ATRNL1: variants seen among roughly 807,000 people sequenced by gnomAD.
ATRNL1 encodes the protein attractin-like protein 1.
In ATRNL1, 95 loss-of-function variants were observed where a neutral mutation model predicts 182.7. That is an observed-to-expected ratio of 0.52 (90% confidence interval 0.44 to 0.62). The LOEUF (loss-of-function observed/expected upper bound fraction) is 0.62, where lower values mean the gene tolerates loss of function less well. Among genes scored for constraint, ATRNL1 ranks in the 20% least tolerant of loss-of-function variants. ATRNL1 has a pLI of 0.00. For missense variants in ATRNL1, 1,471 were observed against 1,679.5 expected (o/e 0.88, Z 2.17); for synonymous variants, 576 against 568.3 (o/e 1.01, Z -0.19).
chr10:115,470,276 A>AT (rs1464275132), intron 24 of ATRNL1, among the ~76,000 whole-genome samples: 1 of 150,442 alleles, frequency 6.6e-6, no homozygotes, highest in Non-Finnish European at 1.5e-5. Context: ...AATTATGGAA[A>AT]TTATTCAACT....
intron 27 of ATRNL1, among the ~76,000 whole-genome samples, chr10:115,730,787 A>C (rs1947774343): frequency 6.6e-6 from 1 of 152,062 alleles, no homozygotes; most frequent in African/African-American, 2.4e-5. Flanking sequence ...GGAGATATAT[A>C]GTTGTGTATA....
chr10:115,413,256 T>C (rs1845229675), intron 20 of ATRNL1, among the ~76,000 whole-genome samples: 1 of 152,168 alleles, frequency 6.6e-6, no homozygotes, highest in Admixed American at 6.6e-5. Context: ...TGCTAGCCTG[T>C]GAGGATCTTG....
intron 24 of ATRNL1, among the ~76,000 whole-genome samples, chr10:115,511,207 T>C (rs1345625944): frequency 6.6e-6 from 1 of 152,024 alleles, no homozygotes; most frequent in African/African-American, 2.4e-5. Context: ...ATTATTATTG[T>C]ATTAATTATC....
intron 9 of ATRNL1, among the ~76,000 whole-genome samples, chr10:115,240,044 AG>A (rs1850351416): frequency 6.6e-6 from 1 of 151,972 alleles, no homozygotes; most frequent in African/African-American, 2.4e-5. Flanking sequence ...GGCAGGCGTG[AG>A]GGGGTTGGGG....
chr10:115,910,632 T>C (rs1952646392), intron 28 of ATRNL1, among the ~76,000 whole-genome samples: 1 of 152,228 alleles, frequency 6.6e-6, no homozygotes, highest in Admixed American at 6.5e-5. Flanking sequence ...AGGATATATA[T>C]GTGTGTAGAA....
chr10:115,939,019 C>CA (rs1285186014), intron 28 of ATRNL1, among the ~76,000 whole-genome samples: 4 of 151,944 alleles, frequency 2.6e-5, no homozygotes, highest in African/African-American at 7.3e-5. Context: ...ATTCTCACCA[C>CA]AAAAAAAGAT....
chr10:115,611,665 T>G (rs1857165747), intron 26 of ATRNL1, among the ~76,000 whole-genome samples: 1 of 152,100 alleles, frequency 6.6e-6, no homozygotes, highest in Non-Finnish European at 1.5e-5. Flanking sequence ...TTAAATGCTA[T>G]CAGTTGTCAT....
chr10:115,153,881 A>G (rs558187030), intron 5 of ATRNL1, among the ~76,000 whole-genome samples: 7 of 152,056 alleles, frequency 4.6e-5, no homozygotes, highest in Admixed American at 3.9e-4. Flanking sequence ...CCTCTACACA[A>G]TGCTTTGAAT....
intron 26 of ATRNL1, among the ~76,000 whole-genome samples, chr10:115,591,847 T>G (rs1555012362): frequency 6.6e-6 from 1 of 152,210 alleles, no homozygotes; most frequent in Non-Finnish European, 1.5e-5. Flanking sequence ...AAATAAATTG[T>G]TCTACCAAAA....
intron 26 of ATRNL1, among the ~76,000 whole-genome samples, chr10:115,605,306 G>C (rs1467820418): frequency 6.6e-6 from 1 of 151,952 alleles, no homozygotes; most frequent in African/African-American, 2.4e-5. Context: ...CTCTCCATCT[G>C]ATGGTAGTAA....
intron 9 of ATRNL1, among the ~76,000 whole-genome samples, chr10:115,230,387 A>G (rs1461969741): frequency 6.6e-6 from 1 of 152,142 alleles, no homozygotes; most frequent in Non-Finnish European, 1.5e-5. Flanking sequence ...AGCCATGCAA[A>G]TATCTGGGGG....
At chr10:115,601,938 C>T (rs1351154339) in intron 26 of ATRNL1, among the ~76,000 whole-genome samples, 2 of 151,140 alleles carry the variant, frequency 1.3e-5, no homozygotes, top group Admixed American at 6.6e-5. Context: ...TCCTCATTTC[C>T]CCCCTTTTTT....
intron 19 of ATRNL1, among the ~76,000 whole-genome samples, chr10:115,354,962 TC>T: frequency 6.6e-6 from 1 of 152,282 alleles, no homozygotes; most frequent in Non-Finnish European, 1.5e-5. Context: ...TTTGAGAGAT[TC>T]TGATGAATTT....
chr10:115,821,790 C>A (rs1950304788), intron 27 of ATRNL1, among the ~76,000 whole-genome samples: 1 of 152,176 alleles, frequency 6.6e-6, no homozygotes, highest in South Asian at 2.1e-4. Flanking sequence ...AAAGCAAATT[C>A]TTAGAGACCT....
intron 27 of ATRNL1, among the ~76,000 whole-genome samples, chr10:115,830,514 C>G (rs1189114102): frequency 6.6e-6 from 1 of 152,106 alleles, no homozygotes; most frequent in Non-Finnish European, 1.5e-5. Context: ...GCCTGACCAT[C>G]TGCTTGGCTG....
chr10:115,319,534 T>A (rs1240094065), intron 18 of ATRNL1, among the ~76,000 whole-genome samples: 1 of 152,136 alleles, frequency 6.6e-6, no homozygotes, highest in African/African-American at 2.4e-5. Flanking sequence ...TCTTTGTAGG[T>A]CTCTACAAAC....
In ATRNL1 at chr10:115,667,300, G is replaced by A. The variant is rs74158230; in HGVS notation, c.3796-59948G>A. ...TATCAGTTATCTATTGTGGTGTAACGAACTATCTCAAAATTTAATGACTTA... is the reference window on the plus strand; with the variant it reads ...TATCAGTTATCTATTGTGGTGTAACAAACTATCTCAAAATTTAATGACTTA... On this transcript the variant is annotated intron_variant, in intron 26 of 28. Transcript: ENST00000355044. Among the ~76,000 whole-genome samples, 1,503 of 152,206 alleles carry A rather than the reference G, an allele frequency of 9.9e-3. 18 individuals are homozygous for A. The highest frequency in any genetic ancestry group is 0.034 in the African/African-American group (1,426 of 41,534).
In ATRNL1 at chr10:115,666,492, G is replaced by A. The variant is rs538858803; in HGVS notation, c.3796-60756G>A. ...ACTCCATACTTTTGTAATTAAAATA[G>A]AGTTCAGACTTATTATTTGGAACTA... On this transcript the variant is annotated intron_variant, in intron 26 of 28. Coordinates refer to ENST00000355044, the MANE Select transcript of ATRNL1 (RefSeq NM_207303.4). Among the ~76,000 whole-genome samples the A allele has an allele frequency of 5.3e-5, 8 of 152,144 alleles. No homozygotes were observed. The South Asian group carries it at 1.7e-3, about 32-fold the overall frequency.
At chr10:115,738,126 ATTT>A (rs10546896) in intron 27 of ATRNL1, among the ~76,000 whole-genome samples, 43 of 47,110 alleles carry the variant, frequency 9.1e-4, no homozygotes, top group South Asian at 3.8e-3. Flanking sequence ...GAAGATAATG[ATTT>A]TTTTTTTTTT....
Sources: gnomAD v4.1 joint callset for allele counts (sites outside exome capture counted in the v4.1 genomes callset) on GRCh38, gnomAD v4.1.1 for gene constraint, MANE v1.5 for transcripts, NCBI Gene and HGNC (gene_info 2026-07-23, HGNC 2026-07-21) for gene names.